Variants in NOX4 observed in about 807,000 individuals in gnomAD.
The protein encoded by NOX4 is kidney oxidase-1.
NOX4 carries 69 observed loss-of-function variants against 87.6 expected under a neutral mutation model. That is an observed-to-expected ratio of 0.79 (90% CI 0.65 to 0.96). The LOEUF (loss-of-function observed/expected upper bound fraction) is 0.96, where lower values mean the gene tolerates loss of function less well. NOX4 is among the 40% of genes least tolerant of loss of function. The probability of loss-of-function intolerance (pLI) is 0.00; values close to 1 mark genes in which losing one functional copy is unlikely to be tolerated. For missense variants in NOX4, 680 were observed against 681.5 expected, an observed-to-expected ratio of 1.00 and a Z score of 0.02; for synonymous variants, 275 against 238.2, an observed-to-expected ratio of 1.15 and a Z score of -1.42.
intron 12 of NOX4, among the ~76,000 whole-genome samples, chr11:89,359,088 T>G (rs1318190016): frequency 6.6e-6 from 1 of 152,074 alleles, no homozygotes; most frequent in African/African-American, 2.4e-5. Context: ...TCCCATTCAA[T>G]CAACAAAAAG....
Position 89,402,441 on chromosome 11 carries a change from G to A in NOX4, c.731C>T (p.Ser244Leu). 1 of 1,613,016 alleles carries A rather than the reference G, an allele frequency of 6.2e-7. No homozygotes were observed. Residue 244 changes from serine to leucine, a missense_variant, in exon 9 of 18, where the codon TCA (serine) becomes TTA (leucine). By Grantham distance (145) the Ser-to-Leu change is moderately radical. Coordinates refer to ENST00000263317, the MANE Select transcript of NOX4 (RefSeq NM_016931.5). ...SQNISLPEYF[S>L]EHFHEPFPEG... ...AGGGAAAGGTTCATGAAAATGTTCTGAGAAATACTCTGGTAAGGAAATATT... is the reference window on the plus strand; with the variant it reads ...AGGGAAAGGTTCATGAAAATGTTCTAAGAAATACTCTGGTAAGGAAATATT...
At chr11:89,397,994 C>T (rs1289157479) in intron 11 of NOX4, among the ~76,000 whole-genome samples, 1 of 151,946 alleles carries the variant, frequency 6.6e-6, no homozygotes, top group Admixed American at 6.6e-5. Context: ...GATACCAAAG[C>T]CCGGTAGAGA....
intron 11 of NOX4, among the ~76,000 whole-genome samples, chr11:89,384,954 G>A (rs1383002551): frequency 6.6e-6 from 1 of 152,132 alleles, no homozygotes; most frequent in South Asian, 2.1e-4. Flanking sequence ...GATCACACTT[G>A]GTTTATCGAT....
chr11:89,577,162 T>A, the NOX4 span: 3 of 152,088 alleles, frequency 2.0e-5, 1 homozygote, highest in African/African-American at 4.8e-5. Flanking sequence ...TGGGATATGA[T>A]GGAAGATTTA....
chr11:89,384,991 C>T (rs1331311090), intron 11 of NOX4, among the ~76,000 whole-genome samples: 1 of 152,198 alleles, frequency 6.6e-6, no homozygotes, highest in East Asian at 1.9e-4. Context: ...CTAATTGCCA[C>T]TCATTAGCAA....
intron 13 of NOX4, among the ~76,000 whole-genome samples, chr11:89,354,019 A>T (rs1172226714): frequency 6.6e-6 from 1 of 152,176 alleles, no homozygotes; most frequent in Non-Finnish European, 1.5e-5. Context: ...TATTTTTGTG[A>T]TCATAATTAA....
At chr11:89,363,124 G>A (rs909709646) in intron 12 of NOX4, among the ~76,000 whole-genome samples, 1 of 152,042 alleles carries the variant, frequency 6.6e-6, no homozygotes, top group Non-Finnish European at 1.5e-5. Context: ...GGTATGCTCT[G>A]AGAGTTTGGA....
the NOX4 span, among the ~76,000 whole-genome samples, chr11:89,518,290 T>G: frequency 6.6e-6 from 1 of 151,914 alleles, no homozygotes; most frequent in African/African-American, 2.4e-5. Context: ...CCAACCAAAA[T>G]TTGGAAAAGG....
Position 89,432,989 on chromosome 11 carries a change from T to C in NOX4, c.476-133A>G, listed in dbSNP as rs990938879. ...AATTCAAATCCCACATCTACATGTA[T>C]GTTCTCCCTCAAACAAGCCCTTTAC... On this transcript the variant is annotated intron_variant, in intron 6 of 17. Coordinates refer to ENST00000263317, the MANE Select transcript of NOX4 (RefSeq NM_016931.5). The C allele has an allele frequency of 4.8e-6, 3 of 630,498 alleles. No individual in the cohort carries two copies. In the South Asian group the frequency reaches 5.7e-5, roughly 12 times the overall value. 39.1% of individuals were successfully genotyped at this position (630,498 alleles called of 1,614,324 possible).
the NOX4 span, among the ~76,000 whole-genome samples, chr11:89,578,319 G>T: frequency 0.021 from 3,181 of 151,940 alleles, 92 homozygotes; most frequent in African/African-American, 0.066. Flanking sequence ...ATGCCACCAC[G>T]CCCAGCTAAT....
chr11:89,493,754 ATTATTATTATTT>A (rs1946917919), upstream of NOX4, among the ~76,000 whole-genome samples: 1 of 145,396 alleles, frequency 6.9e-6, no homozygotes, highest in East Asian at 2.0e-4. Context: ...TATTATTATT[ATTATTATTATTT>A]TAGATGGAGT....
At chr11:89,424,849 G>A (rs1005937306) in intron 7 of NOX4, among the ~76,000 whole-genome samples, 4 of 151,978 alleles carry the variant, frequency 2.6e-5, no homozygotes, top group Non-Finnish European at 5.9e-5. Flanking sequence ...TAGTGCTTTA[G>A]TTTCTTACTG....
the NOX4 span, among the ~76,000 whole-genome samples, chr11:89,520,396 C>A: frequency 6.6e-6 from 1 of 152,058 alleles, no homozygotes; most frequent in Non-Finnish European, 1.5e-5. Context: ...ATATATCCCT[C>A]ACTCTATCAG....
intron 17 of NOX4, among the ~76,000 whole-genome samples, chr11:89,331,805 T>A (rs1000077356): frequency 1.1e-4 from 17 of 151,884 alleles, no homozygotes; most frequent in African/African-American, 4.1e-4. Flanking sequence ...CTTTAACATT[T>A]TCTTTTGCAA....
At chr11:89,339,040 A>T (rs1006659139) in intron 15 of NOX4, among the ~76,000 whole-genome samples, 8 of 152,150 alleles carry the variant, frequency 5.3e-5, no homozygotes, top group Non-Finnish European at 1.2e-4. Context: ...TTCAGATCCT[A>T]GAATAGTTTC....
intron 2 of NOX4, among the ~76,000 whole-genome samples, chr11:89,466,809 T>C (rs1945715811): frequency 6.6e-6 from 1 of 152,080 alleles, no homozygotes; most frequent in African/African-American, 2.4e-5. Flanking sequence ...CCTTCCTTGA[T>C]TAATGAAAAG....
chr11:89,526,757 C>G, the NOX4 span, among the ~76,000 whole-genome samples: 11 of 152,124 alleles, frequency 7.2e-5, no homozygotes, highest in African/African-American at 2.7e-4. Context: ...GCCTCCCGAG[C>G]CATGCTGAAC....
the NOX4 span, among the ~76,000 whole-genome samples, chr11:89,583,900 G>A: frequency 8.5e-5 from 13 of 152,248 alleles, no homozygotes; most frequent in African/African-American, 2.9e-4. Context: ...ATGGATAAAT[G>A]AATGCAACCA....
intron 12 of NOX4, among the ~76,000 whole-genome samples, chr11:89,357,066 C>A (rs982259390): frequency 2.6e-5 from 4 of 152,196 alleles, no homozygotes; most frequent in South Asian, 2.1e-4. Flanking sequence ...ATGACAATTG[C>A]CATTTCCTAG....
Sources: gnomAD v4.1 joint callset for allele counts (sites outside exome capture counted in the v4.1 genomes callset) on GRCh38, gnomAD v4.1.1 for gene constraint, MANE v1.5 for transcripts, NCBI Gene and HGNC (gene_info 2026-07-23, HGNC 2026-07-21) for gene names.